ARHGAP21: variants seen among roughly 807,000 people sequenced by gnomAD.
The protein encoded by ARHGAP21 is Rho GTPase activating protein 21.
A neutral mutation model predicts 164.6 loss-of-function variants in ARHGAP21; 38 were observed. The ratio of observed to expected loss-of-function variants is 0.23; its 90% confidence interval spans 0.18 to 0.30. The LOEUF (loss-of-function observed/expected upper bound fraction) is 0.30. Among genes scored for constraint, ARHGAP21 ranks in the 10% least tolerant of loss-of-function variants. ARHGAP21 has a pLI of 1.00. For missense variants in ARHGAP21, 1,822 were observed against 2,370.7 expected (o/e 0.77, Z 4.81); for synonymous variants, 766 against 857.9 (o/e 0.89, Z 1.87).
chr10:24,713,692 C>G (rs985782481), intron 2 of ARHGAP21, among the ~76,000 whole-genome samples: 1 of 149,954 alleles, frequency 6.7e-6, no homozygotes, highest in Non-Finnish European at 1.5e-5. Flanking sequence ...AGGCTGGTCT[C>G]AAACTCCTGG....
rs1834406604 is a variant in ARHGAP21, at chr10:24,620,237, A to G, written c.1658T>C (p.Phe553Ser). The G allele has an allele frequency of 6.2e-7, 1 of 1,613,944 alleles. No homozygotes were observed. Among genetic ancestry groups the G allele is most frequent in the Non-Finnish European group, 8.5e-7 (1 of 1,179,868 alleles). Residue 553 changes from phenylalanine to serine, a missense_variant, in exon 9 of 26, where the codon TTT (phenylalanine) becomes TCT (serine). Physicochemically the swap from Phe to Ser is radical, Grantham distance 155. Around this residue, in one of 5 missense-constraint regions of ARHGAP21, gnomAD observed 1,090 missense variants for 1,378.9 expected, o/e 0.79. Transcript: ENST00000396432. The stretch of plus-strand genomic sequence containing the variant: ...AGCCACAGTAAAATTGGAACCTCGA[A>G]AAGATTTATGAATTTCTTGCTGCCT... ...RPRQQEIHKS[F>S]RGSNFTVAPS...
intron 2 of ARHGAP21, among the ~76,000 whole-genome samples, chr10:24,704,122 G>A (rs1238570720): frequency 6.6e-6 from 1 of 151,970 alleles, no homozygotes; most frequent in African/African-American, 2.4e-5. Flanking sequence ...AGCCTCTATT[G>A]TCTAACCCCT....
chr10:24,676,703 T>C (rs192363473), intron 2 of ARHGAP21, among the ~76,000 whole-genome samples: 1 of 152,212 alleles, frequency 6.6e-6, no homozygotes, highest in Admixed American at 6.5e-5. Flanking sequence ...AAAAAGAACT[T>C]AGGATTTGGA....
chr10:24,595,251 T>C (rs1237953964), intron 19 of ARHGAP21, 61 bp from the exon 20 acceptor site: 1 of 1,380,666 alleles, frequency 7.2e-7, no homozygotes, highest in East Asian at 2.3e-5. Flanking sequence ...TGTAATCTAG[T>C]TTCCCTTTAA....
intron 5 of ARHGAP21, 70 bp downstream of exon 5, chr10:24,634,941 A>G (rs911310183): frequency 2.5e-6 from 3 of 1,203,394 alleles, no homozygotes; most frequent in Non-Finnish European, 3.4e-6. Context: ...AAAAATATCG[A>G]ACATGAAATA....
chr10:24,593,228 G>A (rs989222394), intron 21 of ARHGAP21, among the ~76,000 whole-genome samples: 2 of 152,232 alleles, frequency 1.3e-5, no homozygotes, highest in African/African-American at 2.4e-5. Flanking sequence ...TTGTGTTGAA[G>A]TCAGGATTCT....
In ARHGAP21 at chr10:24,643,243, A is replaced by G. The variant is rs527799550; in HGVS notation, c.269-8140T>C. Reference sequence around the variant, plus strand: ...AATCCTGGCATCTGCCTTCTAAAGTATTTAAAGTTCATGTAGCATTGTACA... The same window carrying G: ...AATCCTGGCATCTGCCTTCTAAAGTGTTTAAAGTTCATGTAGCATTGTACA... On this transcript the variant is annotated intron_variant, in intron 4 of 25. Coordinates refer to ENST00000396432, the MANE Select transcript of ARHGAP21 (RefSeq NM_020824.4). Among the ~76,000 whole-genome samples, 7 of 152,356 alleles carry G rather than the reference A, an allele frequency of 4.6e-5. No individual in the cohort carries two copies. The East Asian group carries it at 1.2e-3, about 25-fold the overall frequency.
Position 24,620,108 on chromosome 10 carries a change from T to C in ARHGAP21, c.1787A>G (p.Asn596Ser), listed in dbSNP as rs1215271392. The C allele has an allele frequency of 2.5e-6, 4 of 1,613,984 alleles. No individual in the cohort carries two copies. The highest frequency in any genetic ancestry group is 3.4e-6 in the Non-Finnish European group (4 of 1,179,874). ...IPPDLKTLQS[N>S]RNFQTTCGMS... ...TCCACAAGTAGTCTGAAAATTTCTGTTTGACTGCAATGTTTTTAGATCTGG... is the reference window on the plus strand; with the variant it reads ...TCCACAAGTAGTCTGAAAATTTCTGCTTGACTGCAATGTTTTTAGATCTGG... Residue 596 changes from asparagine (N) to serine (S), a missense_variant, in exon 9 of 26, where the codon AAC becomes AGC. By Grantham distance (46) the Asn-to-Ser change is conservative. Coordinates refer to ENST00000396432, the MANE Select transcript of ARHGAP21 (RefSeq NM_020824.4).
chr10:24,671,855 T>C (rs1231205285), intron 2 of ARHGAP21, among the ~76,000 whole-genome samples: 1 of 150,698 alleles, frequency 6.6e-6, no homozygotes, highest in Non-Finnish European at 1.5e-5. Flanking sequence ...CCCAGGTAGA[T>C]GGGACTACAG....
In ARHGAP21 at chr10:24,607,482, A is replaced by G. The variant is rs543326419; in HGVS notation, c.2684+17T>C. ...CACCCACATACAAATATTTAAAATAATACACCCGAGACTTACAATTTTGCA... is the reference window on the plus strand; with the variant it reads ...CACCCACATACAAATATTTAAAATAGTACACCCGAGACTTACAATTTTGCA... On this transcript the variant is annotated intron_variant, in intron 11 of 25. Transcript: ENST00000396432. The G allele has an allele frequency of 6.2e-7, 1 of 1,602,896 alleles. No homozygotes were observed. The highest frequency in any genetic ancestry group is 1.1e-5 in the South Asian group (1 of 90,682).
intron 17 of ARHGAP21, chr10:24,596,433 T>A: frequency 1.9e-6 from 1 of 518,278 alleles, no homozygotes; most frequent in Non-Finnish European, 3.3e-6. Context: ...GTATTATACT[T>A]TCTTAATCAG....
chr10:24,601,034 A>G (rs1417780973), intron 13 of ARHGAP21, 104 bp from the exon 14 acceptor site: 6 of 1,343,362 alleles, frequency 4.5e-6, no homozygotes, highest in African/African-American at 4.4e-5. Flanking sequence ...ACATATAACT[A>G]GTGTAGCAGG....
chr10:24,603,456 A>G (rs756102375), intron 12 of ARHGAP21, among the ~76,000 whole-genome samples: 13 of 152,156 alleles, frequency 8.5e-5, no homozygotes, highest in African/African-American at 1.9e-4. Flanking sequence ...TGCTGTGAAA[A>G]GGAGTAGTGA....
chr10:24,664,414 G>A (rs920456274), intron 4 of ARHGAP21, among the ~76,000 whole-genome samples: 3 of 151,962 alleles, frequency 2.0e-5, no homozygotes, highest in Non-Finnish European at 4.4e-5. Flanking sequence ...AATTAGCTGG[G>A]CGTGGTGGCG....
intron 2 of ARHGAP21, among the ~76,000 whole-genome samples, chr10:24,694,125 C>G (rs1842956656): frequency 6.6e-6 from 1 of 152,204 alleles, no homozygotes. Flanking sequence ...AAATTACATT[C>G]CTTTGATCTC....
In ARHGAP21 at chr10:24,591,269, A is replaced by G; in HGVS notation, c.4106T>C (p.Leu1369Pro). The G allele has an allele frequency of 6.2e-7, 1 of 1,612,794 alleles. No individual in the cohort carries two copies. The change falls in exon 24 of 26, where the codon CTC becomes CCC. Residue 1369 changes from leucine to proline, a missense_variant. Coordinates refer to ENST00000396432, the MANE Select transcript of ARHGAP21 (RefSeq NM_020824.4). Reference protein sequence around the residue: ...SQPVPNIDHLLTNIGRTGVSP... With the variant: ...SQPVPNIDHLPTNIGRTGVSP... ...GACTCCTGTCCTTCCAATGTTGGTG[A>G]GTAAATGATCTATGTTTGGCACTGG...
chr10:24,589,495 G>T, intron 24 of ARHGAP21, 193 bp from the exon 25 acceptor site: 1 of 516,936 alleles, frequency 1.9e-6, no homozygotes. Context: ...ATGAAAGGAT[G>T]CTGTGAATTG....
At chr10:24,693,331 T>C (rs569292248) in intron 2 of ARHGAP21, among the ~76,000 whole-genome samples, 1 of 152,000 alleles carries the variant, frequency 6.6e-6, no homozygotes, top group East Asian at 1.9e-4. Context: ...GGGAAGGAAA[T>C]CTAAAACTTT....
intron 7 of ARHGAP21, 182 bp from the exon 8 acceptor site, chr10:24,622,944 CTT>C (rs1834727070): frequency 1.9e-6 from 1 of 534,382 alleles, no homozygotes; most frequent in South Asian, 3.0e-5. Flanking sequence ...TTCTGAACAT[CTT>C]TTTCTCAGGC....
Sources: gnomAD v4.1 joint callset for allele counts (sites outside exome capture counted in the v4.1 genomes callset) on GRCh38, gnomAD v4.1.1 for gene constraint, gnomAD v4.1.1 regional missense constraint, MANE v1.5 for transcripts, NCBI Gene and HGNC (gene_info 2026-07-23, HGNC 2026-07-21) for gene names.